The following QTMAN variants were observed in gnomAD, a reference collection of about 807,000 sequenced individuals.
QTMAN encodes queuosine-tRNA mannosyltransferase.
At chr2:144,095,894 CTTGTGTTACATACACAAGT>C in the QTMAN span, among the ~76,000 whole-genome samples, 3 of 152,204 alleles carry the variant, frequency 2.0e-5, no homozygotes, top group South Asian at 6.2e-4. Context: ...AACCAAATAA[CTTGTGTTACATACACAAGT>C]TTCAGAATGT....
chr2:143,973,121 GTTTT>G, the QTMAN span, among the ~76,000 whole-genome samples: 1 of 151,272 alleles, frequency 6.6e-6, no homozygotes, highest in Non-Finnish European at 1.5e-5. Context: ...TAGTAAGTGG[GTTTT>G]TTTTTCTTTT....
chr2:144,126,487 A>T, the QTMAN span, among the ~76,000 whole-genome samples: 9 of 151,992 alleles, frequency 5.9e-5, no homozygotes, highest in African/African-American at 1.9e-4. Context: ...GCTTTTACTT[A>T]AGGCAGAAAA....
the QTMAN span, among the ~76,000 whole-genome samples, chr2:144,174,297 T>C: frequency 3.3e-5 from 5 of 152,126 alleles, no homozygotes; most frequent in African/African-American, 7.2e-5. Context: ...GGATTCCTCC[T>C]CCTTGCACCA....
the QTMAN span, among the ~76,000 whole-genome samples, chr2:144,300,859 T>C: frequency 2.0e-5 from 3 of 152,188 alleles, no homozygotes; most frequent in South Asian, 6.2e-4. Flanking sequence ...GATTATATGT[T>C]ATCAGCTAAG....
At chr2:144,133,149 AT>A in the QTMAN span, among the ~76,000 whole-genome samples, 661 of 53,822 alleles carry the variant, frequency 0.012, 21 homozygotes, top group African/African-American at 0.089. Context: ...ATATATATAT[AT>A]AATATAATAT....
the QTMAN span, among the ~76,000 whole-genome samples, chr2:144,259,882 A>C: frequency 6.6e-6 from 1 of 152,254 alleles, no homozygotes. Context: ...AAGAGTAGTT[A>C]GTAAGCACTG....
At chr2:143,962,660 G>A in the QTMAN span, among the ~76,000 whole-genome samples, 1 of 152,096 alleles carries the variant, frequency 6.6e-6, no homozygotes, top group African/African-American at 2.4e-5. Context: ...GCAAGAACTG[G>A]AAAAGAGCCA....
chr2:144,291,756 T>A, the QTMAN span, among the ~76,000 whole-genome samples: 1 of 152,188 alleles, frequency 6.6e-6, no homozygotes, highest in Non-Finnish European at 1.5e-5. Context: ...TTCTCCTACC[T>A]TAATCTCATA....
At chr2:144,027,419 T>C in the QTMAN span, among the ~76,000 whole-genome samples, 1 of 152,152 alleles carries the variant, frequency 6.6e-6, no homozygotes, top group Non-Finnish European at 1.5e-5. Context: ...CACAATTTTA[T>C]AAAAATAAGG....
the QTMAN span, among the ~76,000 whole-genome samples, chr2:144,041,597 C>T: frequency 6.6e-6 from 1 of 152,210 alleles, no homozygotes; most frequent in Non-Finnish European, 1.5e-5. Flanking sequence ...TAGCAAATCT[C>T]ATTAAGTAGT....
At chr2:144,253,053 T>C in the QTMAN span, among the ~76,000 whole-genome samples, 1 of 152,164 alleles carries the variant, frequency 6.6e-6, no homozygotes, top group African/African-American at 2.4e-5. Context: ...TGGGAGGTAA[T>C]TGAATCATGG....
At chr2:144,237,399 T>A in the QTMAN span, 1 of 152,094 alleles carries the variant, frequency 6.6e-6, no homozygotes, top group African/African-American at 2.4e-5. Context: ...CACTACCTCA[T>A]TATCTCTACA....
At chr2:144,262,183 G>C in the QTMAN span, among the ~76,000 whole-genome samples, 1 of 152,104 alleles carries the variant, frequency 6.6e-6, no homozygotes. Flanking sequence ...TAGTGAGTCA[G>C]GCACTGCCAC....
At chr2:144,327,774 A>C in the QTMAN span, among the ~76,000 whole-genome samples, 4 of 152,222 alleles carry the variant, frequency 2.6e-5, no homozygotes, top group South Asian at 2.1e-4. Context: ...CCCTAAAGGT[A>C]GGGGAGATAG....
chr2:144,138,432 T>G, the QTMAN span, among the ~76,000 whole-genome samples: 1 of 152,022 alleles, frequency 6.6e-6, no homozygotes, highest in Non-Finnish European at 1.5e-5. Context: ...AAAAAAATTT[T>G]AAGATGTAAG....
At chr2:144,009,019 T>C in the QTMAN span, among the ~76,000 whole-genome samples, 1 of 151,992 alleles carries the variant, frequency 6.6e-6, no homozygotes, top group Non-Finnish European at 1.5e-5. Context: ...ATGGGCACAG[T>C]GTTATTCACT....
chr2:144,151,173 G>A, the QTMAN span, among the ~76,000 whole-genome samples: 1 of 152,102 alleles, frequency 6.6e-6, no homozygotes, highest in African/African-American at 2.4e-5. Flanking sequence ...TTTCCACTTT[G>A]TAACAGAAAT....
the QTMAN span, chr2:143,957,186 A>G: frequency 6.3e-7 from 1 of 1,579,646 alleles, no homozygotes; most frequent in Non-Finnish European, 8.6e-7. Flanking sequence ...ACAAACAGAA[A>G]GAACTTACAT....
chr2:144,202,387 GAATTA>G, the QTMAN span, among the ~76,000 whole-genome samples: 1 of 152,286 alleles, frequency 6.6e-6, no homozygotes, highest in South Asian at 2.1e-4. Flanking sequence ...GATGAAAGTA[GAATTA>G]AATACATCTT....
Sources: allele counts gnomAD v4.1 joint callset (sites outside exome capture counted in the v4.1 genomes callset), GRCh38; gene constraint gnomAD v4.1.1; transcripts MANE v1.5; gene names NCBI Gene and HGNC (gene_info 2026-07-23, HGNC 2026-07-21).